Variants in NAALADL2 observed in about 807,000 individuals in gnomAD.
The protein encoded by NAALADL2 is inactive N-acetylated-alpha-linked acidic dipeptidase-like protein 2.
Under a neutral mutation model 87.2 loss-of-function variants are expected in NAALADL2, and 76 were observed. That is an observed-to-expected ratio of 0.87 (90% CI 0.72 to 1.05). NAALADL2 has a LOEUF of 1.05. NAALADL2 is among the 50% of genes least tolerant of loss of function. NAALADL2 has a pLI of 0.00. For missense variants in NAALADL2, 1,089 were observed against 945.8 expected (o/e 1.15, Z -1.99); for synonymous variants, 354 against 331.0 (o/e 1.07, Z -0.75).
At position 174,882,811 on chromosome 3, in the gene NAALADL2, G is replaced by A. The variant is rs13327573; in HGVS notation, c.43+23361G>A. ...TGTATATATACACGTGTGTATATGT[G>A]CATATGTGTATATATACACGTGTGT... On this transcript the variant is annotated intron_variant, in intron 1 of 13. Transcript: ENST00000454872. Among the ~76,000 whole-genome samples the A allele has an allele frequency of 6.6e-3, 607 of 91,764 alleles. 7 individuals carry two copies. Among genetic ancestry groups the A allele is most frequent in the African/African-American group, 0.042 (551 of 13,110 alleles). 60.2% of individuals were successfully genotyped at this position (91,764 alleles called of 152,430 possible).
chr3:174,896,387 T>C (rs1252706362), intron 1 of NAALADL2, among the ~76,000 whole-genome samples: 1 of 151,928 alleles, frequency 6.6e-6, no homozygotes, highest in Non-Finnish European at 1.5e-5. Flanking sequence ...TGATGAACAA[T>C]GTTAAAAAGA....
intron 11 of NAALADL2, among the ~76,000 whole-genome samples, chr3:175,672,814 A>G (rs1389010085): frequency 6.6e-6 from 1 of 152,192 alleles, no homozygotes; most frequent in Non-Finnish European, 1.5e-5. Context: ...TGTAAATCTG[A>G]TAATCTTGTA....
chr3:175,332,602 T>A (rs1216111848), intron 5 of NAALADL2, among the ~76,000 whole-genome samples: 1 of 152,194 alleles, frequency 6.6e-6, no homozygotes, highest in Non-Finnish European at 1.5e-5. Context: ...CACCTGGCTG[T>A]GATTTTGATT....
chr3:175,013,456 G>T (rs573441266), intron 1 of NAALADL2, among the ~76,000 whole-genome samples: 1 of 149,028 alleles, frequency 6.7e-6, no homozygotes, highest in African/African-American at 2.5e-5. Flanking sequence ...GCACCACCAC[G>T]CCCAGCTAAT....
chr3:175,460,037 T>C, intron 6 of NAALADL2: 1 of 385,218 alleles, frequency 2.6e-6, no homozygotes, highest in Non-Finnish European at 5.2e-6. Context: ...CTGTTATTGC[T>C]ATTACAGATT....
chr3:175,566,840 G>T (rs78367373), intron 9 of NAALADL2, among the ~76,000 whole-genome samples: 1 of 151,822 alleles, frequency 6.6e-6, no homozygotes, highest in African/African-American at 2.4e-5. Context: ...TATTTTTCCA[G>T]GTTTTCATTC....
At chr3:175,342,523 T>C (rs1762671802) in intron 5 of NAALADL2, among the ~76,000 whole-genome samples, 1 of 151,992 alleles carries the variant, frequency 6.6e-6, no homozygotes, top group Non-Finnish European at 1.5e-5. Context: ...TGTGTGTGTG[T>C]GTGTGTGTGT....
Position 175,463,522 on chromosome 3 carries a change from C to T in NAALADL2, c.1327+29C>T, listed in dbSNP as rs73884419. The T allele has an allele frequency of 3.4e-3, 4,116 of 1,195,836 alleles. 78 individuals carry two copies. In the African/African-American group the frequency reaches 0.049, roughly 14 times the overall value. 74.1% of individuals were successfully genotyped at this position (1,195,836 alleles called of 1,614,324 possible). On this transcript the variant is annotated intron_variant, in intron 7 of 13. Coordinates refer to ENST00000454872, the MANE Select transcript of NAALADL2 (RefSeq NM_207015.3). The stretch of plus-strand genomic sequence containing the variant: ...AGTAGGGTTGAAAATTTATAATCTA[C>T]ACTTTATATGAAACTATACAAGGAA...
Position 175,507,237 on chromosome 3 carries a change from G to A in NAALADL2, c.1653+35479G>A, listed in dbSNP as rs577717902. ...TAAAGTTGTTTTACTAACAGTGCCT[G>A]TTTCTAGGTCTTTGATCTACTCCTC... On this transcript the variant is annotated intron_variant, in intron 9 of 13. Transcript: ENST00000454872. Among the ~76,000 whole-genome samples the A allele has an allele frequency of 1.3e-5, 2 of 152,024 alleles. 1 individual carries two copies. The highest frequency in any genetic ancestry group is 4.1e-4 in the South Asian group (2 of 4,824).
intron 6 of NAALADL2, 70 bp from the exon 7 acceptor site, chr3:175,463,331 T>G: frequency 2.0e-6 from 2 of 988,896 alleles, no homozygotes; most frequent in Non-Finnish European, 3.0e-6. Context: ...TTGGATAAAA[T>G]AAATTTTAAG....
intron 2 of NAALADL2, among the ~76,000 whole-genome samples, chr3:174,566,725 T>C (rs1441286543): frequency 6.6e-6 from 1 of 151,752 alleles, no homozygotes; most frequent in Non-Finnish European, 1.5e-5. Context: ...GATTCTTTCT[T>C]CAGTTCTGTT....
At chr3:174,777,910 C>T (rs567350441) in intron 3 of NAALADL2, among the ~76,000 whole-genome samples, 31 of 152,020 alleles carry the variant, frequency 2.0e-4, no homozygotes, top group Admixed American at 5.3e-4. Flanking sequence ...GAAAATCAAG[C>T]TAGTCTTTAG....
At chr3:174,603,985 G>T (rs905834287) in intron 2 of NAALADL2, among the ~76,000 whole-genome samples, 6 of 152,050 alleles carry the variant, frequency 3.9e-5, no homozygotes, top group African/African-American at 1.4e-4. Flanking sequence ...CCTTACATAT[G>T]GTCTATCCTT....
intron 2 of NAALADL2, among the ~76,000 whole-genome samples, chr3:175,149,952 TA>T (rs1190453139): frequency 5.3e-5 from 8 of 152,158 alleles, no homozygotes; most frequent in African/African-American, 1.9e-4. Context: ...TAACATCTGG[TA>T]GCAACAGGTG....
In NAALADL2 at chr3:174,714,231, G is replaced by A. The variant is rs59607931; in HGVS notation, c.-114-23410G>A. Among the ~76,000 whole-genome samples, 972 of 152,180 alleles carry A rather than the reference G, an allele frequency of 6.4e-3. 7 individuals are homozygous for A. Among genetic ancestry groups the A allele is most frequent in the African/African-American group, 0.022 (917 of 41,534 alleles). On this transcript the variant is annotated intron_variant, in intron 2 of 3. Coordinates refer to the NAALADL2 transcript ENST00000434257. ...TTGTAGTATAGTTTGAAGTCAGGTC[G>A]CGTGATACCCCTAGCTTTGTTCTTT...
intron 5 of NAALADL2, among the ~76,000 whole-genome samples, chr3:175,359,460 A>G (rs1484904360): frequency 6.6e-6 from 1 of 152,116 alleles, no homozygotes; most frequent in Non-Finnish European, 1.5e-5. Context: ...ACTGAGTGGT[A>G]ATAACTAAAA....
At chr3:174,445,172 G>A (rs1332916265) in intron 1 of NAALADL2, among the ~76,000 whole-genome samples, 2 of 151,914 alleles carry the variant, frequency 1.3e-5, no homozygotes, top group Admixed American at 6.6e-5. Flanking sequence ...TGAGGAGAAG[G>A]GAATATATGT....
At chr3:174,967,965 A>G (rs1222389903) in intron 1 of NAALADL2, among the ~76,000 whole-genome samples, 1 of 152,214 alleles carries the variant, frequency 6.6e-6, no homozygotes, top group Non-Finnish European at 1.5e-5. Flanking sequence ...TCAATTATAA[A>G]TGCTTTTGTC....
chr3:174,917,524 G>A (rs1439421735), intron 1 of NAALADL2, among the ~76,000 whole-genome samples: 1 of 152,020 alleles, frequency 6.6e-6, no homozygotes, highest in Non-Finnish European at 1.5e-5. Flanking sequence ...TTTCATTTCA[G>A]AATCTGCTGA....
Sources: allele counts gnomAD v4.1 joint callset (sites outside exome capture counted in the v4.1 genomes callset), GRCh38; gene constraint gnomAD v4.1.1; transcripts MANE v1.5; gene names NCBI Gene and HGNC (gene_info 2026-07-23, HGNC 2026-07-21).